CSGALNACT1: variants seen among roughly 807,000 people sequenced by gnomAD.
CSGALNACT1 encodes the protein chondroitin sulfate N-acetylgalactosaminyltransferase 1.
Under a neutral mutation model 51.0 loss-of-function variants are expected in CSGALNACT1, and 52 were observed. That is an observed-to-expected ratio of 1.02 (90% CI 0.82 to 1.29). The LOEUF (loss-of-function observed/expected upper bound fraction) is 1.29, where lower values mean the gene tolerates loss of function less well. Ranked by LOEUF, CSGALNACT1 falls within the 50% of genes most tolerant of loss-of-function variation. CSGALNACT1 has a pLI of 0.00. For missense variants in CSGALNACT1, 935 were observed against 679.2 expected, an observed-to-expected ratio of 1.38 and a Z score of -4.19; for synonymous variants, 341 against 254.4, an observed-to-expected ratio of 1.34 and a Z score of -3.24.
At chr8:19,506,460 T>C (rs1363694995) in intron 3 of CSGALNACT1, among the ~76,000 whole-genome samples, 3 of 152,188 alleles carry the variant, frequency 2.0e-5, no homozygotes, top group Non-Finnish European at 2.9e-5. Context: ...CAAGTCCTGA[T>C]GGTTAAAGGG....
Position 19,756,173 on chromosome 8 carries a change from T to C in CSGALNACT1, c.-297+1677A>G, listed in dbSNP as rs149738067. On this transcript the variant is annotated intron_variant, in intron 1 of 1. Transcript: ENST00000517494. ...GTAACACCAAGGTAATTTGACTTTC[T>C]TGTAGGAACAATGTCGACGAAATCC... Among the ~76,000 whole-genome samples, 918 of 152,318 alleles carry C rather than the reference T, an allele frequency of 6.0e-3. 35 individuals are homozygous for C. The highest frequency in any genetic ancestry group is 0.054 in the Admixed American group (826 of 15,302).
chr8:19,610,289 C>CAAAAAAAAAAAA (rs58262538), intron 1 of CSGALNACT1, among the ~76,000 whole-genome samples: 4 of 47,650 alleles, frequency 8.4e-5, no homozygotes, highest in African/African-American at 3.3e-4. Flanking sequence ...GACTCCGTCT[C>CAAAAAAAAAAAA]AAAAAAAAAA....
chr8:19,733,682 T>C lies in CSGALNACT1; in HGVS notation c.-297+24168A>G, dbSNP rs561299804. On this transcript the variant is annotated intron_variant, in intron 1 of 1. Coordinates refer to the CSGALNACT1 transcript ENST00000517494. ...AAGAATGCCCGTGCTAAATTATGCA[T>C]GCTTTTCTCTTTGCCTGAAAGACGT... Among the ~76,000 whole-genome samples, 81 of 152,340 alleles carry C rather than the reference T, an allele frequency of 5.3e-4. 1 individual carries two copies. Among genetic ancestry groups the C allele is most frequent in the Non-Finnish European group, 9.4e-4 (64 of 68,034 alleles).
chr8:19,634,704 C>T (rs771968496), intron 1 of CSGALNACT1, among the ~76,000 whole-genome samples: 1 of 152,158 alleles, frequency 6.6e-6, no homozygotes, highest in Admixed American at 6.5e-5. Context: ...CTTGCTTTCT[C>T]TTTCAGCCAT....
intron 4 of CSGALNACT1, among the ~76,000 whole-genome samples, chr8:19,466,707 C>T (rs1396731507): frequency 6.6e-6 from 1 of 152,040 alleles, no homozygotes; most frequent in Non-Finnish European, 1.5e-5. Context: ...TCCTCACATG[C>T]TCAGACGCTA....
chr8:19,477,660 G>T (rs372491801), intron 4 of CSGALNACT1, among the ~76,000 whole-genome samples: 2 of 152,170 alleles, frequency 1.3e-5, no homozygotes, highest in Non-Finnish European at 2.9e-5. Flanking sequence ...CTCTAGAGCC[G>T]GGTGTGAGCC....
intron 1 of CSGALNACT1, among the ~76,000 whole-genome samples, chr8:19,675,187 A>C (rs1368859268): frequency 6.6e-6 from 1 of 152,212 alleles, no homozygotes; most frequent in Non-Finnish European, 1.5e-5. Context: ...TCACAACTAG[A>C]AATTCTCAAC....
chr8:19,552,535 G>T (rs567046227), intron 3 of CSGALNACT1, among the ~76,000 whole-genome samples: 18 of 152,146 alleles, frequency 1.2e-4, no homozygotes, highest in African/African-American at 3.6e-4. Context: ...GGATAAGAAA[G>T]ATGACTTTTA....
At chr8:19,666,446 G>A (rs1321239849) in intron 1 of CSGALNACT1, among the ~76,000 whole-genome samples, 1 of 152,008 alleles carries the variant, frequency 6.6e-6, no homozygotes, top group Non-Finnish European at 1.5e-5. Context: ...TGTAATCCCA[G>A]CACTTTTGGA....
intron 1 of CSGALNACT1, among the ~76,000 whole-genome samples, chr8:19,673,426 G>C (rs1438122137): frequency 6.6e-6 from 1 of 152,122 alleles, no homozygotes; most frequent in Non-Finnish European, 1.5e-5. Flanking sequence ...ATGAGATCTG[G>C]TCACAGCAAA....
chr8:19,459,533 A>C (rs2064920299), intron 4 of CSGALNACT1, among the ~76,000 whole-genome samples: 1 of 152,150 alleles, frequency 6.6e-6, no homozygotes, highest in African/African-American at 2.4e-5. Flanking sequence ...CATTAAAATA[A>C]CACATAAAAT....
intron 1 of CSGALNACT1, among the ~76,000 whole-genome samples, chr8:19,674,617 C>A (rs577673487): frequency 7.2e-5 from 11 of 152,014 alleles, no homozygotes; most frequent in Non-Finnish European, 1.0e-4. Context: ...GGCCTTTATC[C>A]GCAGTGATAG....
In CSGALNACT1 at chr8:19,565,088, C is replaced by T. The variant is rs570361804; in HGVS notation, c.-297+26072G>A. On this transcript the variant is annotated intron_variant, in intron 3 of 9. Coordinates refer to ENST00000454498, the Ensembl canonical transcript of CSGALNACT1. The stretch of plus-strand genomic sequence containing the variant: ...AAATTTGGCCGAAGTTTGAAGGTTA[C>T]AAGCATCCTTGCTGAAAAATATCCT... Among the ~76,000 whole-genome samples, 23 of 152,324 alleles carry T rather than the reference C, an allele frequency of 1.5e-4. No homozygotes were observed. In the East Asian group the frequency reaches 4.4e-3, roughly 29 times the overall value.
intron 1 of CSGALNACT1, among the ~76,000 whole-genome samples, chr8:19,636,083 T>C (rs1009256684): frequency 2.0e-5 from 3 of 152,220 alleles, no homozygotes; most frequent in Non-Finnish European, 4.4e-5. Context: ...TCCCATTAAC[T>C]ATATGCCGTA....
intron 3 of CSGALNACT1, among the ~76,000 whole-genome samples, chr8:19,563,297 A>G (rs928821481): frequency 6.6e-6 from 1 of 152,118 alleles, no homozygotes; most frequent in Non-Finnish European, 1.5e-5. Context: ...GGGGAGGGAG[A>G]GCATCAGGAA....
At chr8:19,665,164 C>A (rs910968935) in intron 1 of CSGALNACT1, among the ~76,000 whole-genome samples, 1 of 152,308 alleles carries the variant, frequency 6.6e-6, no homozygotes, top group South Asian at 2.1e-4. Context: ...CAGGCATGTG[C>A]CACCACGCTT....
At chr8:19,614,662 C>T (rs541111190) in intron 1 of CSGALNACT1, among the ~76,000 whole-genome samples, 1 of 152,178 alleles carries the variant, frequency 6.6e-6, no homozygotes, top group African/African-American at 2.4e-5. Flanking sequence ...GGGCCTGGTA[C>T]TGAAGTTATT....
At chr8:19,602,698 G>C (rs1366718446), upstream of CSGALNACT1, 1 of 152,220 alleles carries the variant, frequency 6.6e-6, no homozygotes, top group Non-Finnish European at 1.5e-5. Context: ...GGCCCCAGCC[G>C]TCCCTTCCTT....
chr8:19,621,752 G>A (rs2053852114), intron 1 of CSGALNACT1, among the ~76,000 whole-genome samples: 1 of 152,114 alleles, frequency 6.6e-6, no homozygotes, highest in Admixed American at 6.6e-5. Context: ...CAGCACCCCA[G>A]CCTGGGCAAC....
Sources: allele counts gnomAD v4.1 joint callset (sites outside exome capture counted in the v4.1 genomes callset), GRCh38; gene constraint gnomAD v4.1.1; transcripts MANE v1.5; gene names NCBI Gene and HGNC (gene_info 2026-07-23, HGNC 2026-07-21).